Variants in CABP7 observed in about 807,000 individuals in gnomAD.
CABP7 encodes the protein calcium-binding protein 7.
Under a neutral mutation model 23.1 loss-of-function variants are expected in CABP7, and 13 were observed. The ratio of observed to expected loss-of-function variants is 0.56; its 90% CI spans 0.37 to 0.90. The LOEUF (loss-of-function observed/expected upper bound fraction) is 0.90. Ranked by LOEUF, CABP7 falls within the 40% of genes least tolerant of loss-of-function variation. The pLI is 0.01. For missense variants in CABP7, 248 were observed against 295.6 expected (o/e 0.84, Z 1.18); for synonymous variants, 123 against 115.3 (o/e 1.07, Z -0.43).
rs998659825 is a variant in CABP7, at chr22:29,720,471, A to G, written c.47A>G (p.Tyr16Cys). The change falls in exon 1 of 5, where the codon TAC becomes TGC. Residue 16 changes from tyrosine (Y) to cysteine (C), a missense_variant. Physicochemically the swap from Tyr to Cys is radical, Grantham distance 194 (BLOSUM62 -2). Coordinates refer to ENST00000216144, the MANE Select transcript of CABP7 (RefSeq NM_182527.3). The surrounding 1 kb of genome is among the most constrained non-coding windows in gnomAD (Gnocchi z 5.2). ...GCGGCGTTGATGTACCGGGGCATCT[A>G]CACCGTGCCCAACCTGCTGTCGGAG... ...VTAALMYRGI[Y>C]TVPNLLSEQR... 2 of 1,563,558 alleles carry G rather than the reference A, an allele frequency of 1.3e-6. No individual in the cohort carries two copies. The highest frequency in any genetic ancestry group is 1.7e-6 in the Non-Finnish European group (2 of 1,156,594).
chr22:29,727,057 A>T lies in CABP7; in HGVS notation c.110-605A>T, dbSNP rs1324753954. Among the ~76,000 whole-genome samples the T allele has an allele frequency of 1.3e-5, 2 of 151,054 alleles. No individual in the cohort carries two copies. Among genetic ancestry groups the T allele is most frequent in the East Asian group, 3.9e-4 (2 of 5,132 alleles). ...TCTGCTCCGTACAGTGTGGAGGGCGACCCCCCACCCAGTCTGGTCTGGCCT... is the reference window on the plus strand; with the variant it reads ...TCTGCTCCGTACAGTGTGGAGGGCGTCCCCCCACCCAGTCTGGTCTGGCCT... On this transcript the variant is annotated intron_variant, in intron 1 of 4. Coordinates refer to ENST00000216144, the MANE Select transcript of CABP7 (RefSeq NM_182527.3). The surrounding 1 kb of genome is among the most constrained non-coding windows in gnomAD (Gnocchi z 4.2).
chr22:29,725,338 C>T (rs113814920), intron 1 of CABP7, among the ~76,000 whole-genome samples: 19 of 152,286 alleles, frequency 1.2e-4, no homozygotes, highest in South Asian at 6.2e-4. Context: ...CTCTGAGTAG[C>T]GGCTTCACAG....
rs956410839 is a variant in CABP7, at chr22:29,727,513, C to A, written c.110-149C>A. ...CCCAGAATACGGCACCCTTGTGCAC[C>A]CTCGGGCCATGCTCTCACCAGATCT... On this transcript the variant is annotated intron_variant, in intron 1 of 4. Transcript: ENST00000216144. This position sits in a 1 kb window ranked among gnomAD's most constrained non-coding sequence, Gnocchi z 4.2. 2.2e-5 allele frequency: 22 copies of A among 1,001,644 alleles called. No homozygotes were observed. The highest frequency in any genetic ancestry group is 1.4e-5 in the South Asian group (1 of 70,568). The allele number at this position is 1,001,644 out of a possible 1,614,324, so 62.0% of individuals were successfully genotyped here.
chr22:29,721,913 G>A (rs1368127678), intron 1 of CABP7, among the ~76,000 whole-genome samples: 1 of 152,154 alleles, frequency 6.6e-6, no homozygotes, highest in African/African-American at 2.4e-5. Context: ...TAAAACCCAG[G>A]GCCAGAGCCT....
Position 29,727,920 on chromosome 22 carries a change from A to C in CABP7, c.253+115A>C, listed in dbSNP as rs1390740519. On this transcript the variant is annotated intron_variant, in intron 2 of 4. Coordinates refer to ENST00000216144, the MANE Select transcript of CABP7 (RefSeq NM_182527.3). The surrounding 1 kb of genome is among the most constrained non-coding windows in gnomAD (Gnocchi z 4.2). ...CCAAATTGGGTCTCTCGCTCCCCTG[A>C]CTCCCACCCTCAAAGTCCGTGGCAG... is the stretch of plus-strand genomic sequence containing the variant. 3.3e-6 allele frequency: 4 copies of C among 1,197,828 alleles called. No homozygotes were observed. Among genetic ancestry groups the C allele is most frequent in the South Asian group, 1.6e-5 (1 of 62,268 alleles). The allele number at this position is 1,197,828 out of a possible 1,614,324, so 74.2% of individuals were successfully genotyped here.
chr22:29,724,809 G>T (rs751558859), intron 1 of CABP7, among the ~76,000 whole-genome samples: 16 of 152,194 alleles, frequency 1.1e-4, no homozygotes, highest in Admixed American at 2.0e-4. Flanking sequence ...TGGGCCTGCA[G>T]GGCTGCCTCC....
At position 29,727,330 on chromosome 22, in the gene CABP7, A is replaced by T. The variant is rs1247970309; in HGVS notation, c.110-332A>T. On this transcript the variant is annotated intron_variant, in intron 1 of 4. Transcript: ENST00000216144. The surrounding 1 kb of genome is among the most constrained non-coding windows in gnomAD (Gnocchi z 4.2). ...CCGTCAGCAGCCGCGGGGGCCGGGGAGATCCAGCATCCTCCCCTGCACGTG... is the reference window on the plus strand; with the variant it reads ...CCGTCAGCAGCCGCGGGGGCCGGGGTGATCCAGCATCCTCCCCTGCACGTG... Among the ~76,000 whole-genome samples the T allele has an allele frequency of 6.6e-6, 1 of 151,966 alleles. No homozygotes were observed. The highest frequency in any genetic ancestry group is 1.5e-5 in the Non-Finnish European group (1 of 67,992).
chr22:29,723,690 T>A (rs1390107955), intron 1 of CABP7, among the ~76,000 whole-genome samples: 2 of 152,206 alleles, frequency 1.3e-5, no homozygotes, highest in Non-Finnish European at 2.9e-5. Flanking sequence ...GGGAGTCCCC[T>A]TTCCTACCTC....
At chr22:29,729,261 G>T in intron 4 of CABP7, 53 bp downstream of exon 4, 2 of 1,578,540 alleles carry the variant, frequency 1.3e-6, no homozygotes, top group Non-Finnish European at 1.7e-6. Context: ...TTGGCCAGGG[G>T]GACGCACGGG....
At chr22:29,722,135 C>T (rs2067766398) in intron 1 of CABP7, among the ~76,000 whole-genome samples, 3 of 152,184 alleles carry the variant, frequency 2.0e-5, no homozygotes, top group South Asian at 2.1e-4. Flanking sequence ...AGGCAGCTTC[C>T]GCTTCACTCC....
chr22:29,722,838 A>T (rs8136448), intron 1 of CABP7, among the ~76,000 whole-genome samples: 2,851 of 152,328 alleles, frequency 0.019, 69 homozygotes, highest in African/African-American at 0.062. Flanking sequence ...CCGGGATGGA[A>T]TGCTGCAGAC....
At chr22:29,721,641 A>G (rs2067762608) in intron 1 of CABP7, among the ~76,000 whole-genome samples, 2 of 152,098 alleles carry the variant, frequency 1.3e-5, no homozygotes, top group Non-Finnish European at 2.9e-5. Flanking sequence ...AGGGGAAGCC[A>G]TGGAGGGAGG....
At chr22:29,728,844 T>G in intron 3 of CABP7, 102 bp downstream of exon 3, 2 of 1,030,738 alleles carry the variant, frequency 1.9e-6, no homozygotes, top group Non-Finnish European at 3.0e-6. Context: ...GGATGACCAC[T>G]TCAGGCTTGT....
chr22:29,728,952 G>GC (rs1417637627), intron 3 of CABP7, 103 bp from the exon 4 acceptor site: 4 of 1,432,560 alleles, frequency 2.8e-6, no homozygotes, highest in African/African-American at 2.8e-5. Flanking sequence ...GTGTTTTCCA[G>GC]CCCCCCAGAA....
rs1247567971 is a variant in CABP7 at position 29,720,098 on chromosome 22, A to G, written c.-327A>G. The G allele has an allele frequency of 6.7e-6, 1 of 148,156 alleles. No individual in the cohort carries two copies. The highest frequency in any genetic ancestry group is 1.5e-5 in the Non-Finnish European group (1 of 66,412). 9.2% of individuals were successfully genotyped at this position (148,156 alleles called of 1,614,324 possible). ...GCGAGCGGACTAGCGGGCGGCGAGC[A>G]GCGCGGAGCGCGCGGGGCACCGAGG... is the stretch of plus-strand genomic sequence containing the variant. On this transcript the variant is annotated 5_prime_UTR_variant, in exon 1 of 5. Transcript: ENST00000216144. This position sits in a 1 kb window ranked among gnomAD's most constrained non-coding sequence, Gnocchi z 5.2.
chr22:29,720,742 CCAG>C lies in CABP7; in HGVS notation c.109+211_109+213del, dbSNP rs1167961274. On this transcript the variant is annotated intron_variant, in intron 1 of 4. Coordinates refer to ENST00000216144, the MANE Select transcript of CABP7 (RefSeq NM_182527.3). The surrounding 1 kb of genome is among the most constrained non-coding windows in gnomAD (Gnocchi z 5.2). ...GGGGGTCGCTCAGGCGGAGAGCGGC[CCAG>C]CCCCTGCCCGCGTGGTCCCCAGCGC... is the stretch of plus-strand genomic sequence containing the variant. Among the ~76,000 whole-genome samples, 1 of 151,496 alleles carries C rather than the reference CCAG, an allele frequency of 6.6e-6. No homozygotes were observed. Among genetic ancestry groups the C allele is most frequent in the African/African-American group, 2.4e-5 (1 of 41,366 alleles).
Position 29,729,155 on chromosome 22 carries a change from C to T in CABP7, c.467C>T (p.Thr156Met), listed in dbSNP as rs773513218. 1.4e-5 allele frequency: 22 copies of T among 1,611,194 alleles called. No homozygotes were observed. Among genetic ancestry groups the T allele is most frequent in the Admixed American group, 3.3e-5 (2 of 59,954 alleles). ...SMKDIENIIM[T>M]EEESHLGTAE... Reference sequence around the variant, plus strand: ...AAGGACATAGAGAACATCATCATGACGGAGGAGGAGAGCCACCTGGGCACA... The same window carrying T: ...AAGGACATAGAGAACATCATCATGATGGAGGAGGAGAGCCACCTGGGCACA... The change falls in exon 4 of 5, where the codon ACG becomes ATG. Residue 156 changes from threonine to methionine, a missense_variant. Transcript: ENST00000216144.
chr22:29,729,333 T>G, intron 4 of CABP7, 109 bp from the exon 5 acceptor site: 1 of 1,575,752 alleles, frequency 6.3e-7, no homozygotes, highest in Non-Finnish European at 8.6e-7. Flanking sequence ...CTCTGTCCCA[T>G]TGGGGCACCC....
Position 29,720,547 on chromosome 22 carries a change from G to T in CABP7, c.109+14G>T. The stretch of plus-strand genomic sequence containing the variant: ...ACGAGCTGGAGGGTGAGTGTCCGCC[G>T]GGATCCCCGCCCCGGCGGCCCTCCT... On this transcript the variant is annotated intron_variant, in intron 1 of 4. Coordinates refer to ENST00000216144, the MANE Select transcript of CABP7 (RefSeq NM_182527.3). The surrounding 1 kb of genome is among the most constrained non-coding windows in gnomAD (Gnocchi z 5.2). 6.6e-7 allele frequency: 1 copy of T among 1,509,876 alleles called. No individual in the cohort carries two copies. Among genetic ancestry groups the T allele is most frequent in the Non-Finnish European group, 8.9e-7 (1 of 1,125,038 alleles). 93.5% of individuals were successfully genotyped at this position (1,509,876 alleles called of 1,614,324 possible).
Sources: allele counts gnomAD v4.1 joint callset (sites outside exome capture counted in the v4.1 genomes callset), GRCh38; gene constraint gnomAD v4.1.1; non-coding constraint Gnocchi (gnomAD v3.1); transcripts MANE v1.5; gene names NCBI Gene and HGNC (gene_info 2026-07-23, HGNC 2026-07-21).